The following RAB3GAP1 variants were observed in gnomAD, a reference collection of about 807,000 sequenced individuals.
RAB3GAP1 encodes RAB3 GTPase activating protein catalytic subunit 1, also known as rab3 GTPase-activating protein catalytic subunit.
A neutral mutation model predicts 130.7 loss-of-function variants in RAB3GAP1; 86 were observed. The ratio of observed to expected loss-of-function variants is 0.66; its 90% CI spans 0.55 to 0.79. The LOEUF (loss-of-function observed/expected upper bound fraction) is 0.79. Among genes scored for constraint, RAB3GAP1 ranks in the 30% least tolerant of loss-of-function variants. The pLI, the probability that RAB3GAP1 is intolerant of heterozygous loss-of-function variation, is 0.00. For missense variants in RAB3GAP1, 1,029 were observed against 1,169.4 expected, an observed-to-expected ratio of 0.88 and a Z score of 1.75; for synonymous variants, 367 against 401.7, an observed-to-expected ratio of 0.91 and a Z score of 1.03.
At chr2:135,099,459 G>GTGTGTGTA (rs1196880131) in intron 5 of RAB3GAP1, among the ~76,000 whole-genome samples, 3 of 145,770 alleles carry the variant, frequency 2.1e-5, no homozygotes, top group Non-Finnish European at 4.5e-5. Context: ...GTGTGTGTGT[G>GTGTGTGTA]TGTGTGTATG....
At chr2:135,136,558 C>T (rs1429212333) in intron 17 of RAB3GAP1, 3 of 232,778 alleles carry the variant, frequency 1.3e-5, no homozygotes, top group Admixed American at 5.3e-5. Flanking sequence ...AAGTAGATCA[C>T]GTCATCATAT....
rs1435607144 is a variant in RAB3GAP1 at position 135,136,762 on chromosome 2, C to G, written c.1923+830C>G. The G allele has an allele frequency of 5.8e-6, 6 of 1,031,428 alleles. No homozygotes were observed. In the African/African-American group the frequency reaches 1.0e-4, roughly 17 times the overall value. 63.9% of individuals were successfully genotyped at this position (1,031,428 alleles called of 1,614,324 possible). On this transcript the variant is annotated intron_variant, in intron 17 of 23. Transcript: ENST00000264158. ...ACATATAAGAAGGGATATTATGATA[C>G]CTGAGACAGTTAACTGATGGGAATA...
At chr2:135,140,706 A>T (rs1388621187) in intron 17 of RAB3GAP1, among the ~76,000 whole-genome samples, 28 of 152,248 alleles carry the variant, frequency 1.8e-4, no homozygotes, top group Admixed American at 1.8e-3. Context: ...CTGGTCAAGT[A>T]GGCATCCTTT....
At chr2:135,078,333 T>G (rs1038139511) in intron 3 of RAB3GAP1, among the ~76,000 whole-genome samples, 1 of 152,174 alleles carries the variant, frequency 6.6e-6, no homozygotes, top group African/African-American at 2.4e-5. Flanking sequence ...CTCTATTTTT[T>G]AGTACTTCTA....
chr2:135,072,119 C>T (rs936739266), intron 3 of RAB3GAP1, among the ~76,000 whole-genome samples: 3 of 152,134 alleles, frequency 2.0e-5, no homozygotes, highest in African/African-American at 7.2e-5. Context: ...CTGTGTTGAC[C>T]AGGCTGGTCT....
intron 3 of RAB3GAP1, among the ~76,000 whole-genome samples, chr2:135,090,358 A>G (rs72978331): frequency 0.064 from 9,697 of 152,120 alleles, 627 homozygotes; most frequent in African/African-American, 0.17. Flanking sequence ...GTGCTTGGCT[A>G]GTTGCTTGGT....
chr2:135,120,291 T>G (rs1378641272), intron 7 of RAB3GAP1, among the ~76,000 whole-genome samples: 3 of 152,230 alleles, frequency 2.0e-5, no homozygotes, highest in African/African-American at 7.2e-5. Flanking sequence ...AATAGCAGTT[T>G]AAACAGCTTT....
chr2:135,130,471 T>A (rs1691500132), intron 12 of RAB3GAP1, 81 bp from the exon 13 acceptor site: 2 of 1,172,034 alleles, frequency 1.7e-6, no homozygotes, highest in Non-Finnish European at 2.5e-6. Context: ...TAAAATATTC[T>A]ATATAATCAT....
intron 17 of RAB3GAP1, among the ~76,000 whole-genome samples, chr2:135,145,421 C>T (rs1691967328): frequency 6.6e-6 from 1 of 151,186 alleles, no homozygotes; most frequent in East Asian, 1.9e-4. Flanking sequence ...CACACACACA[C>T]ACTTCTTAAC....
At chr2:135,168,276 G>A (rs1348821886) in intron 23 of RAB3GAP1, among the ~76,000 whole-genome samples, 1 of 152,146 alleles carries the variant, frequency 6.6e-6, no homozygotes, top group African/African-American at 2.4e-5. Context: ...CATCAGATGT[G>A]TAAATATGGC....
intron 3 of RAB3GAP1, among the ~76,000 whole-genome samples, chr2:135,071,310 G>A (rs1689466411): frequency 6.6e-6 from 1 of 151,916 alleles, no homozygotes; most frequent in Admixed American, 6.6e-5. Context: ...AAAATATTAT[G>A]CTAATCCTAA....
chr2:135,123,084 T>C (rs1292578554), intron 8 of RAB3GAP1, among the ~76,000 whole-genome samples: 1 of 152,160 alleles, frequency 6.6e-6, no homozygotes. Context: ...TGTAACTGGC[T>C]TAAAGTCATA....
chr2:135,155,719 T>C (rs377350990), intron 19 of RAB3GAP1, among the ~76,000 whole-genome samples: 1 of 151,710 alleles, frequency 6.6e-6, no homozygotes, highest in African/African-American at 2.4e-5. Flanking sequence ...ACTTAAGAAA[T>C]TGATGAAAGG....
intron 9 of RAB3GAP1, among the ~76,000 whole-genome samples, chr2:135,125,537 CAA>C (rs1381632833): frequency 6.6e-6 from 1 of 152,070 alleles, no homozygotes; most frequent in African/African-American, 2.4e-5. Flanking sequence ...ACAGCTATAA[CAA>C]TATACCTTAA....
intron 3 of RAB3GAP1, among the ~76,000 whole-genome samples, chr2:135,078,394 T>C (rs1689687907): frequency 6.6e-6 from 1 of 152,134 alleles, no homozygotes. Flanking sequence ...GAATTAATTT[T>C]TGTGAGTGAA....
chr2:135,108,698 G>C (rs1392075640), intron 5 of RAB3GAP1, among the ~76,000 whole-genome samples: 2 of 152,050 alleles, frequency 1.3e-5, no homozygotes, highest in Non-Finnish European at 2.9e-5. Flanking sequence ...TTTTAATGAA[G>C]TCTAGCGTAT....
intron 7 of RAB3GAP1, among the ~76,000 whole-genome samples, chr2:135,115,909 CTA>C: frequency 6.6e-6 from 1 of 152,242 alleles, no homozygotes; most frequent in African/African-American, 2.4e-5. Flanking sequence ...ACAACACTGT[CTA>C]TAGCTATGGA....
At chr2:135,108,985 A>G (rs116534922) in intron 5 of RAB3GAP1, among the ~76,000 whole-genome samples, 1,544 of 152,168 alleles carry the variant, frequency 0.01, 24 homozygotes, top group African/African-American at 0.035. Flanking sequence ...TTAGTTGACT[A>G]TATTTATCTG....
intron 5 of RAB3GAP1, among the ~76,000 whole-genome samples, chr2:135,112,325 A>G (rs1393652090): frequency 1.3e-5 from 2 of 152,252 alleles, no homozygotes; most frequent in African/African-American, 4.8e-5. Flanking sequence ...ATACCAGCCA[A>G]AAGGCTAAAG....
Sources: allele counts gnomAD v4.1 joint callset (sites outside exome capture counted in the v4.1 genomes callset), GRCh38; gene constraint gnomAD v4.1.1; transcripts MANE v1.5; gene names NCBI Gene and HGNC (gene_info 2026-07-23, HGNC 2026-07-21).